Variants in PRKN observed in about 807,000 individuals in gnomAD.
The protein encoded by PRKN is parkin RBR E3 ubiquitin protein ligase.
A neutral mutation model predicts 59.5 loss-of-function variants in PRKN; 56 were observed. That is an observed-to-expected ratio of 0.94 (90% confidence interval 0.76 to 1.18). PRKN has a LOEUF of 1.18. Ranked by LOEUF, PRKN falls within the 50% of genes most tolerant of loss-of-function variation. The probability of loss-of-function intolerance (pLI) is 0.00; values close to 1 mark genes in which losing one functional copy is unlikely to be tolerated. For synonymous variants in PRKN, 250 were observed against 222.1 expected (o/e 1.13, Z -1.12); for missense variants, 657 against 596.4 (o/e 1.10, Z -1.06).
At chr6:162,481,945 T>C (rs1310773168) in intron 1 of PRKN, among the ~76,000 whole-genome samples, 1 of 152,158 alleles carries the variant, frequency 6.6e-6, no homozygotes, top group African/African-American at 2.4e-5. Flanking sequence ...TATTTCAAAC[T>C]GAAAAAAATA....
chr6:161,426,217 C>T lies in PRKN; in HGVS notation c.1084-39340G>A, dbSNP rs571855671. Among the ~76,000 whole-genome samples the T allele has an allele frequency of 3.4e-3, 515 of 152,256 alleles. 3 individuals carry two copies. Among genetic ancestry groups the T allele is most frequent in the African/African-American group, 0.012 (500 of 41,524 alleles). On this transcript the variant is annotated intron_variant, in intron 9 of 11. Transcript: ENST00000366898. Reference sequence around the variant, plus strand: ...GCCCCTGAATACCCAAAGGGGCGTGCTGAAGTACCTCAGGGATATGATTCT... The same window carrying T: ...GCCCCTGAATACCCAAAGGGGCGTGTTGAAGTACCTCAGGGATATGATTCT...
In PRKN at chr6:162,453,250, G is replaced by A. The variant is rs555678281; in HGVS notation, c.8-9777C>T. ...GAACATAGCAACTGATGAGGACATC[G>A]CGCATAGCCTCAAGGAAACAGCTTT... On this transcript the variant is annotated intron_variant, in intron 1 of 11. Coordinates refer to ENST00000366898, the MANE Select transcript of PRKN (RefSeq NM_004562.3). Among the ~76,000 whole-genome samples the A allele has an allele frequency of 2.9e-4, 44 of 152,250 alleles. 1 individual carries two copies. The highest frequency in any genetic ancestry group is 5.6e-4 in the Non-Finnish European group (38 of 68,014).
chr6:161,754,041 G>A (rs945094577), intron 7 of PRKN, among the ~76,000 whole-genome samples: 1 of 152,042 alleles, frequency 6.6e-6, no homozygotes, highest in African/African-American at 2.4e-5. Context: ...AAAGTAAAAT[G>A]GGTGAGCCCA....
rs1456154982 is a variant in PRKN at position 162,647,196 on chromosome 6, TAAAG to T, written c.7+80462_7+80465del. ...ATATAAATAATAATGTAATATAATA[TAAAG>T]AGAGTTCTCTTTCTAGAATAATGTT... On this transcript the variant is annotated intron_variant, in intron 1 of 11. Coordinates refer to ENST00000366898, the MANE Select transcript of PRKN (RefSeq NM_004562.3). 5.3e-5 allele frequency among the ~76,000 whole-genome samples: 8 copies of T among 151,952 alleles called. No individual in the cohort carries two copies. The East Asian group carries it at 5.8e-4, about 11-fold the overall frequency.
intron 7 of PRKN, among the ~76,000 whole-genome samples, chr6:161,757,410 A>C (rs1286156880): frequency 1.3e-5 from 2 of 152,220 alleles, no homozygotes; most frequent in Non-Finnish European, 2.9e-5. Flanking sequence ...ATATTTTAAA[A>C]TATGAGCAAC....
intron 9 of PRKN, among the ~76,000 whole-genome samples, chr6:161,438,349 C>A (rs1789027578): frequency 1.3e-5 from 2 of 151,168 alleles, no homozygotes. Flanking sequence ...TCCTGAGGAG[C>A]TAGAACTACA....
At chr6:162,467,684 T>A (rs946681155) in intron 1 of PRKN, among the ~76,000 whole-genome samples, 1 of 152,068 alleles carries the variant, frequency 6.6e-6, no homozygotes, top group East Asian at 1.9e-4. Flanking sequence ...AAAACTCACG[T>A]CACTTCCTAC....
Position 161,660,705 on chromosome 6 carries a change from T to A in PRKN, c.872-91289A>T, listed in dbSNP as rs74773047. 8.6e-3 allele frequency among the ~76,000 whole-genome samples: 1,311 copies of A among 152,316 alleles called. 24 individuals carry two copies. The highest frequency in any genetic ancestry group is 0.067 in the East Asian group (347 of 5,160). On this transcript the variant is annotated intron_variant, in intron 7 of 11. Coordinates refer to ENST00000366898, the MANE Select transcript of PRKN (RefSeq NM_004562.3). ...GTCCTCCTCTCACAAGTCTGGACTC[T>A]GTTGCTGCAGGCTCAGGTTTAGACC...
At chr6:162,403,750 T>C (rs972294154) in intron 2 of PRKN, among the ~76,000 whole-genome samples, 3 of 152,066 alleles carry the variant, frequency 2.0e-5, no homozygotes, top group Non-Finnish European at 4.4e-5. Flanking sequence ...TTGGATGGGA[T>C]TGGAGTGGGG....
intron 5 of PRKN, among the ~76,000 whole-genome samples, chr6:162,048,726 A>AC (rs1187279921): frequency 1.3e-5 from 2 of 151,692 alleles, no homozygotes; most frequent in African/African-American, 2.4e-5. Context: ...ATGAACTAAA[A>AC]AAAAAAAAAA....
chr6:162,153,725 G>A (rs75509918), intron 4 of PRKN, among the ~76,000 whole-genome samples: 12,008 of 152,122 alleles, frequency 0.079, 549 homozygotes, highest in Middle Eastern at 0.11. Flanking sequence ...ACTGTCCCCC[G>A]AAGTCAGGTT....
chr6:161,523,852 C>T (rs915593196), intron 9 of PRKN, among the ~76,000 whole-genome samples: 1 of 152,088 alleles, frequency 6.6e-6, no homozygotes, highest in Non-Finnish European at 1.5e-5. Context: ...CAGAAGCAAA[C>T]CATTTTTCAA....
At chr6:161,877,249 G>T (rs1256592065) in intron 6 of PRKN, among the ~76,000 whole-genome samples, 1 of 152,040 alleles carries the variant, frequency 6.6e-6, no homozygotes, top group East Asian at 1.9e-4. Context: ...AGCCACGGCG[G>T]CCCCATTCCT....
intron 7 of PRKN, among the ~76,000 whole-genome samples, chr6:161,664,980 G>T (rs1313044746): frequency 6.6e-6 from 1 of 151,814 alleles, no homozygotes; most frequent in Non-Finnish European, 1.5e-5. Flanking sequence ...TAGAGATGGG[G>T]TTTCACCATA....
chr6:161,384,132 C>A (rs1202867092), intron 10 of PRKN, among the ~76,000 whole-genome samples: 4 of 152,172 alleles, frequency 2.6e-5, no homozygotes, highest in Admixed American at 2.6e-4. Context: ...GCTTGTGCAA[C>A]CTCTGTGGCA....
intron 6 of PRKN, among the ~76,000 whole-genome samples, chr6:161,818,428 A>C (rs1270444842): frequency 6.6e-6 from 1 of 151,628 alleles, no homozygotes; most frequent in East Asian, 1.9e-4. Flanking sequence ...TCAACCTCCC[A>C]TGCCCAAGTA....
At chr6:161,774,822 G>A (rs937375770) in intron 7 of PRKN, among the ~76,000 whole-genome samples, 1 of 152,176 alleles carries the variant, frequency 6.6e-6, no homozygotes. Flanking sequence ...CAAATCAAAG[G>A]AAAACTGTCA....
intron 2 of PRKN, among the ~76,000 whole-genome samples, chr6:162,342,907 A>G (rs540351569): frequency 1.3e-5 from 2 of 152,178 alleles, no homozygotes; most frequent in Non-Finnish European, 2.9e-5. Flanking sequence ...ATATGATGGT[A>G]GGAAAAAAGA....
intron 1 of PRKN, among the ~76,000 whole-genome samples, chr6:162,637,893 C>CA (rs1377478585): frequency 6.6e-6 from 1 of 151,948 alleles, no homozygotes; most frequent in African/African-American, 2.4e-5. Context: ...ACAGGAAATA[C>CA]AAAAATTTTT....
Sources: gnomAD v4.1 joint callset for allele counts (sites outside exome capture counted in the v4.1 genomes callset) on GRCh38, gnomAD v4.1.1 for gene constraint, MANE v1.5 for transcripts, NCBI Gene and HGNC (gene_info 2026-07-23, HGNC 2026-07-21) for gene names.